The following NBPF8 variants were observed in gnomAD, a reference collection of about 807,000 sequenced individuals.
NBPF8 encodes the protein NBPF member 8, also known as NBPF family member NBPF8.
upstream of NBPF8, chr1:120,433,240 G>T (rs1367931071): frequency 1.3e-5 from 2 of 151,974 alleles, no homozygotes; most frequent in African/African-American, 2.4e-5. Context: ...TAAGCAAGTC[G>T]GTATTGAAGA....
At chr1:120,452,722 C>T (rs1206108125) in intron 13 of NBPF8, among the ~76,000 whole-genome samples, 2 of 152,234 alleles carry the variant, frequency 1.3e-5, no homozygotes, top group Non-Finnish European at 2.9e-5. Context: ...CTTGTCCTTC[C>T]TGAGTTTCTC....
At chr1:120,415,155 G>T (rs1224506280), upstream of NBPF8, among the ~76,000 whole-genome samples, 3 of 152,310 alleles carry the variant, frequency 2.0e-5, no homozygotes, top group South Asian at 6.2e-4. Context: ...AGTGAACGCG[G>T]TGCTTTTGGG....
chr1:120,450,501 A>C (rs1471442069), intron 11 of NBPF8, among the ~76,000 whole-genome samples: 2 of 152,164 alleles, frequency 1.3e-5, no homozygotes, highest in African/African-American at 2.4e-5. Flanking sequence ...AAATTGCTGC[A>C]GTGAATTACA....
At chr1:120,433,948 T>C (rs1553247397), upstream of NBPF8, 33,506 of 161,040 alleles carry the variant, frequency 0.21, 4,210 homozygotes, top group East Asian at 0.66. Flanking sequence ...GCTGGCGTGA[T>C]GTTGAGGAAG....
rs1661746536 is a variant in NBPF8 at position 120,466,242 on chromosome 1, A to C, written n.3833A>C. 17 of 1,606,674 alleles carry C rather than the reference A, an allele frequency of 1.1e-5. No homozygotes were observed. In the Admixed American group the frequency reaches 2.7e-4, roughly 25 times the overall value. On this transcript the variant is annotated non_coding_transcript_exon_variant, in exon 25 of 25. Coordinates refer to ENST00000583271, the Ensembl canonical transcript of NBPF8. ...AATAAGCAGCCCTTACTAAGCCGAG[A>C]GGTGTCATTCCTGCAGGCAGGACCT...
exon 13 of NBPF8, chr1:120,452,159 C>A: frequency 6.2e-7 from 1 of 1,603,450 alleles, no homozygotes; most frequent in East Asian, 2.2e-5. Flanking sequence ...GAGAGCTGAC[C>A]CAGTTAAGGG....
At chr1:120,415,426 G>A (rs1699851), upstream of NBPF8, among the ~76,000 whole-genome samples, 62,840 of 151,612 alleles carry the variant, frequency 0.41, 13,674 homozygotes, top group African/African-American at 0.49. Flanking sequence ...GGCCCCGCCG[G>A]GGCTTAAGTT....
chr1:120,456,318 C>T (rs1405997429), intron 16 of NBPF8, among the ~76,000 whole-genome samples: 7 of 150,362 alleles, frequency 4.7e-5, no homozygotes, highest in East Asian at 1.9e-4. Context: ...CCTGGATATC[C>T]TTGTTAAGCT....
exon 25 of NBPF8, chr1:120,465,991 C>T: frequency 6.2e-7 from 1 of 1,611,852 alleles, no homozygotes; most frequent in Admixed American, 1.7e-5. Flanking sequence ...CAACAGCGTG[C>T]TGATGGAAGT....
chr1:120,418,582 G>T (rs1193201389), upstream of NBPF8, among the ~76,000 whole-genome samples: 6 of 149,488 alleles, frequency 4.0e-5, no homozygotes, highest in East Asian at 2.0e-4. Context: ...ACAGTGTCTC[G>T]CTCTGTTGCC....
rs1208757640 is a variant in NBPF8, at chr1:120,464,482, C to T, written n.3393C>T. 7 of 1,149,516 alleles carry T rather than the reference C, an allele frequency of 6.1e-6. No individual in the cohort carries two copies. In the East Asian group the frequency reaches 1.4e-4, roughly 23 times the overall value. 71.2% of individuals were successfully genotyped at this position (1,149,516 alleles called of 1,614,324 possible). ...TTGTCTTGAACAGCCTGACTCCTGC[C>T]AGCCGTATGGAAGTTCCTTTTATGC... On this transcript the variant is annotated non_coding_transcript_exon_variant, in exon 23 of 25. Coordinates refer to ENST00000583271, the Ensembl canonical transcript of NBPF8.
At chr1:120,460,543 G>A in intron 17 of NBPF8, 30 bp from the exon 16 acceptor site, 1 of 1,300,514 alleles carries the variant, frequency 7.7e-7, no homozygotes, top group Non-Finnish European at 1.1e-6. Flanking sequence ...ACTGCTTAAT[G>A]TAAGAGGGCC....
At chr1:120,418,659 G>A (rs1250646593), upstream of NBPF8, among the ~76,000 whole-genome samples, 1 of 109,354 alleles carries the variant, frequency 9.1e-6, no homozygotes, top group Non-Finnish European at 1.8e-5. Flanking sequence ...CAAGCAGTCT[G>A]CCCACCTCAG....
At chr1:120,469,523 CATATTGGTG>C (rs1661858425), downstream of NBPF8, among the ~76,000 whole-genome samples, 1 of 150,932 alleles carries the variant, frequency 6.6e-6, no homozygotes. Flanking sequence ...TGCCCTTTGT[CATATTGGTG>C]ATTTCCACTG....
upstream of NBPF8, among the ~76,000 whole-genome samples, chr1:120,418,403 T>A (rs1660483696): frequency 1.1e-5 from 1 of 91,662 alleles, no homozygotes; most frequent in Non-Finnish European, 2.0e-5. Flanking sequence ...AGGCAGTAAC[T>A]CTTTTATACT....
chr1:120,456,188 T>C (rs1661430646), intron 16 of NBPF8, among the ~76,000 whole-genome samples: 2 of 151,400 alleles, frequency 1.3e-5, no homozygotes, highest in Non-Finnish European at 2.9e-5. Context: ...CCTCCAACTA[T>C]GTGGTCAATT....
chr1:120,451,848 T>G (rs1553248860), intron 12 of NBPF8, among the ~76,000 whole-genome samples: 9 of 150,900 alleles, frequency 6.0e-5, no homozygotes, highest in East Asian at 5.8e-4. Context: ...CTTTTTGAAA[T>G]GGAATTAGGA....
intron 1 of NBPF8, among the ~76,000 whole-genome samples, chr1:120,425,533 G>A (rs1394242999): frequency 2.6e-5 from 4 of 152,234 alleles, no homozygotes; most frequent in African/African-American, 7.2e-5. Flanking sequence ...GGAAATGCCC[G>A]ATAATGATCA....
upstream of NBPF8, chr1:120,432,080 C>T (rs1436583580): frequency 4.3e-5 from 6 of 139,078 alleles, no homozygotes; most frequent in Non-Finnish European, 9.2e-5. Context: ...GAAGACCTTC[C>T]TCTGGAACCT....
Sources: allele counts gnomAD v4.1 joint callset (sites outside exome capture counted in the v4.1 genomes callset), GRCh38; gene constraint gnomAD v4.1.1; transcripts MANE v1.5; gene names NCBI Gene and HGNC (gene_info 2026-07-23, HGNC 2026-07-21).